Variants in TEKT5 observed in about 807,000 individuals in gnomAD.
TEKT5 encodes the protein tektin 5.
TEKT5 carries 52 observed loss-of-function variants against 48.7 expected under a neutral mutation model. That is an observed-to-expected ratio of 1.07 (90% CI 0.86 to 1.35). The LOEUF (loss-of-function observed/expected upper bound fraction) is 1.35, where lower values mean the gene tolerates loss of function less well. Among genes scored for constraint, TEKT5 ranks in the 40% most tolerant of loss-of-function variants. The pLI is 0.00. For synonymous variants in TEKT5, 318 were observed against 267.6 expected, an observed-to-expected ratio of 1.19 and a Z score of -1.84; for missense variants, 831 against 641.6, an observed-to-expected ratio of 1.30 and a Z score of -3.19.
intron 5 of TEKT5, among the ~76,000 whole-genome samples, chr16:10,660,661 C>CTGTGTGTGTGTGTG (rs4028826): frequency 6.2e-5 from 9 of 144,304 alleles, no homozygotes; most frequent in African/African-American, 2.4e-4. Context: ...GAGTGCAAGG[C>CTGTGTGTGTGTGTG]TGTGTGTGTG....
At chr16:10,666,074 C>T (rs560807097) in intron 5 of TEKT5, among the ~76,000 whole-genome samples, 12 of 152,328 alleles carry the variant, frequency 7.9e-5, no homozygotes, top group East Asian at 3.9e-4. Context: ...CTTGTCTCTA[C>T]TAAAAATACA....
chr16:10,639,500 C>T (rs150768485), intron 5 of TEKT5, among the ~76,000 whole-genome samples: 3 of 152,198 alleles, frequency 2.0e-5, no homozygotes, highest in Admixed American at 6.5e-5. Flanking sequence ...GCATCCATGT[C>T]CTTAAATGGA....
intron 5 of TEKT5, among the ~76,000 whole-genome samples, chr16:10,659,894 T>C (rs1383430405): frequency 6.6e-6 from 1 of 152,172 alleles, no homozygotes; most frequent in Non-Finnish European, 1.5e-5. Flanking sequence ...TTGTACAATA[T>C]TATCAATATT....
intron 5 of TEKT5, among the ~76,000 whole-genome samples, chr16:10,637,400 G>T (rs1387204653): frequency 6.6e-6 from 1 of 150,778 alleles, no homozygotes; most frequent in Non-Finnish European, 1.5e-5. Context: ...AATAAAGAAG[G>T]AAGAAGGGAA....
intron 5 of TEKT5, among the ~76,000 whole-genome samples, chr16:10,667,871 AAGT>A (rs1898483854): frequency 1.4e-5 from 1 of 69,390 alleles, no homozygotes; most frequent in Non-Finnish European, 2.5e-5. Flanking sequence ...TGGGAAAAAT[AAGT>A]TAATAATTTT....
chr16:10,652,714 CACACACACA>C (rs1898183857), intron 5 of TEKT5, among the ~76,000 whole-genome samples: 3 of 113,810 alleles, frequency 2.6e-5, no homozygotes, highest in African/African-American at 4.1e-5. Flanking sequence ...CACACACACA[CACACACACA>C]CCCTCCAGGC....
At chr16:10,681,905 G>A (rs1027125575) in intron 4 of TEKT5, 88 bp downstream of exon 4, 29 of 1,518,158 alleles carry the variant, frequency 1.9e-5, no homozygotes, top group South Asian at 1.9e-4. Context: ...ACTGGTGCAC[G>A]ATGCCCCTTC....
At chr16:10,668,382 G>T (rs1474626944) in intron 5 of TEKT5, among the ~76,000 whole-genome samples, 1 of 152,214 alleles carries the variant, frequency 6.6e-6, no homozygotes, top group Admixed American at 6.5e-5. Context: ...TGTCTCATGA[G>T]GAGGGTAGCA....
At chr16:10,651,759 A>G (rs1192257103) in intron 5 of TEKT5, among the ~76,000 whole-genome samples, 1 of 152,170 alleles carries the variant, frequency 6.6e-6, no homozygotes, top group East Asian at 1.9e-4. Context: ...CAGGGGTTCG[A>G]GACCAGCCTG....
At chr16:10,658,068 G>A (rs1005052485) in intron 5 of TEKT5, among the ~76,000 whole-genome samples, 1 of 152,048 alleles carries the variant, frequency 6.6e-6, no homozygotes, top group African/African-American at 2.4e-5. Context: ...TGTATCCCCT[G>A]TCTTTGAATG....
intron 5 of TEKT5, among the ~76,000 whole-genome samples, chr16:10,645,034 G>C (rs1196686540): frequency 6.6e-6 from 1 of 152,142 alleles, no homozygotes; most frequent in Admixed American, 6.6e-5. Flanking sequence ...ACCCGGAAGA[G>C]GGCCCTCACC....
chr16:10,637,603 CCTG>C (rs1897934664), intron 5 of TEKT5, among the ~76,000 whole-genome samples: 1 of 151,558 alleles, frequency 6.6e-6, no homozygotes, highest in Non-Finnish European at 1.5e-5. Flanking sequence ...CAGGCAAGAG[CCTG>C]CTAAGGTCTG....
chr16:10,640,886 A>T (rs530550284), intron 5 of TEKT5, among the ~76,000 whole-genome samples: 123 of 152,332 alleles, frequency 8.1e-4, no homozygotes, highest in African/African-American at 2.9e-3. Flanking sequence ...GTTCATGGAC[A>T]TGTGGGTTGT....
intron 5 of TEKT5, among the ~76,000 whole-genome samples, chr16:10,660,306 C>G (rs987249465): frequency 1.3e-5 from 2 of 152,190 alleles, no homozygotes; most frequent in African/African-American, 2.4e-5. Flanking sequence ...AGGCAGGTGG[C>G]AGGTGGCTCT....
intron 1 of TEKT5, chr16:10,690,683 G>C (rs1469099309): frequency 1.0e-6 from 1 of 985,324 alleles, no homozygotes; most frequent in East Asian, 1.1e-4. Flanking sequence ...CTGCCACCTA[G>C]CCCTGGGCCT....
intron 5 of TEKT5, among the ~76,000 whole-genome samples, chr16:10,657,119 C>CTTTT (rs57742183): frequency 7.4e-6 from 1 of 135,424 alleles, no homozygotes; most frequent in Non-Finnish European, 1.6e-5. Flanking sequence ...TTAGGTCTGC[C>CTTTT]TTTTTTTTTT....
chr16:10,642,142 T>G (rs1343133337), intron 5 of TEKT5, among the ~76,000 whole-genome samples: 2 of 152,208 alleles, frequency 1.3e-5, no homozygotes, highest in Non-Finnish European at 2.9e-5. Flanking sequence ...TGTCTTATCT[T>G]TTGTGTTCTA....
chr16:10,675,835 T>G, intron 5 of TEKT5, 124 bp downstream of exon 5: 2 of 917,558 alleles, frequency 2.2e-6, no homozygotes, highest in Non-Finnish European at 3.4e-6. Context: ...CCACAGACCT[T>G]GGGAGAGAGG....
intron 3 of TEKT5, among the ~76,000 whole-genome samples, chr16:10,683,669 C>T (rs902072091): frequency 6.6e-6 from 1 of 152,214 alleles, no homozygotes; most frequent in Admixed American, 6.5e-5. Context: ...CAGCTCACTG[C>T]AACTTCCGCC....
Sources: allele counts gnomAD v4.1 joint callset (sites outside exome capture counted in the v4.1 genomes callset), GRCh38; gene constraint gnomAD v4.1.1; transcripts MANE v1.5; gene names NCBI Gene and HGNC (gene_info 2026-07-23, HGNC 2026-07-21).